PAX9: variants seen among roughly 807,000 people sequenced by gnomAD.
PAX9 encodes paired box protein Pax-9.
PAX9 carries 6 observed loss-of-function variants against 29.1 expected under a neutral mutation model. The ratio of observed to expected loss-of-function variants is 0.21; its 90% CI spans 0.11 to 0.41. The LOEUF (loss-of-function observed/expected upper bound fraction) is 0.41, where lower values mean the gene tolerates loss of function less well. PAX9 is among the 10% of genes least tolerant of loss of function. The pLI is 1.00. For missense variants in PAX9, 443 were observed against 479.1 expected (o/e 0.92, Z 0.70); for synonymous variants, 217 against 211.7 (o/e 1.03, Z -0.22).
intron 1 of PAX9, chr14:36,662,428 G>T (rs1025546773): frequency 7.2e-6 from 3 of 419,278 alleles, no homozygotes; most frequent in Non-Finnish European, 8.4e-6. Context: ...GAAAAGAAAA[G>T]AAAAGAAAAC....
At chr14:36,661,539 C>T (rs1881265341), upstream of PAX9, among the ~76,000 whole-genome samples, 1 of 152,200 alleles carries the variant, frequency 6.6e-6, no homozygotes. Flanking sequence ...GTCCATCGTT[C>T]CCCGGAGGAG....
Position 36,679,099 on chromosome 14 carries a change from C to G in PAX9, c.*2647C>G. 1.0e-6 allele frequency: 1 copy of G among 985,396 alleles called. No individual in the cohort carries two copies. Among genetic ancestry groups the G allele is most frequent in the Non-Finnish European group, 1.2e-6 (1 of 829,916 alleles). 61.0% of individuals were successfully genotyped at this position (985,396 alleles called of 1,614,324 possible). A position where few individuals can be genotyped will look rare whatever the true frequency, so the allele number is the denominator to read the frequency against. ...AAGGTTCAATTTCATGACCTCTATG[C>G]AGGCAGCGCTCTCATTGGATGTAAG... On this transcript the variant is annotated 3_prime_UTR_variant, in exon 4 of 4. Coordinates refer to ENST00000361487, the MANE Select transcript of PAX9 (RefSeq NM_001372076.1).
Position 36,676,177 on chromosome 14 carries a change from CTTCTT to C in PAX9, c.772-16_772-12del. On this transcript the variant is annotated splice_polypyrimidine_tract_variant and intron_variant, in intron 3 of 3. Transcript: ENST00000361487. Reference sequence around the variant, plus strand: ...ACTCCTATAATGTGATTATTTTTCACTTCTTTTCTACTCCTCTCAGGCACCAAATG... The same window carrying C: ...ACTCCTATAATGTGATTATTTTTCACTTCTACTCCTCTCAGGCACCAAATG... The C allele has an allele frequency of 6.2e-7, 1 of 1,613,736 alleles. No individual in the cohort carries two copies. Among genetic ancestry groups the C allele is most frequent in the Non-Finnish European group, 8.5e-7 (1 of 1,179,672 alleles).
chr14:36,679,052 T>G lies in PAX9; in HGVS notation c.*2600T>G. 1.0e-6 allele frequency: 1 copy of G among 985,524 alleles called. No individual in the cohort carries two copies. The highest frequency in any genetic ancestry group is 1.7e-5 in the African/African-American group (1 of 57,382). The allele number at this position is 985,524 out of a possible 1,614,324, so 61.0% of individuals were successfully genotyped here. A position where few individuals can be genotyped will look rare whatever the true frequency, so the allele number is the denominator to read the frequency against. On this transcript the variant is annotated 3_prime_UTR_variant, in exon 4 of 4. Coordinates refer to ENST00000361487, the MANE Select transcript of PAX9 (RefSeq NM_001372076.1). Reference sequence around the variant, plus strand: ...TGCACTCTTCAGAAATCCTTTTCTATCTGATCCACATGGAGAGGTTAAAGG... The same window carrying G: ...TGCACTCTTCAGAAATCCTTTTCTAGCTGATCCACATGGAGAGGTTAAAGG...
At chr14:36,668,249 G>T (rs1019462521) in intron 3 of PAX9, among the ~76,000 whole-genome samples, 4 of 152,174 alleles carry the variant, frequency 2.6e-5, no homozygotes, top group Admixed American at 6.5e-5. Context: ...TAGGCGCTCA[G>T]TGCTTTTTAT....
At chr14:36,660,952 A>G (rs1881235045), upstream of PAX9, among the ~76,000 whole-genome samples, 1 of 152,260 alleles carries the variant, frequency 6.6e-6, no homozygotes, top group South Asian at 2.1e-4. Context: ...GTCGGTGTCC[A>G]CTGTCTTGGG....
chr14:36,674,016 T>C (rs1192854800), intron 3 of PAX9, among the ~76,000 whole-genome samples: 2 of 152,236 alleles, frequency 1.3e-5, no homozygotes, highest in African/African-American at 4.8e-5. Context: ...GATTTATTTC[T>C]TTCCAAACTC....
At position 36,667,098 on chromosome 14, in the gene PAX9, T is replaced by A. The variant is rs375219320; in HGVS notation, c.771+497T>A. 8.0e-4 allele frequency among the ~76,000 whole-genome samples: 121 copies of A among 152,164 alleles called. 1 individual carries two copies. Among genetic ancestry groups the A allele is most frequent in the African/African-American group, 2.8e-3 (116 of 41,512 alleles). Reference sequence around the variant, plus strand: ...GGCTGCGGGGTCCTCACGTTCGGACTTTCTCTCCGGTGGCTCTCGGACAAA... The same window carrying A: ...GGCTGCGGGGTCCTCACGTTCGGACATTCTCTCCGGTGGCTCTCGGACAAA... On this transcript the variant is annotated intron_variant, in intron 3 of 3. Coordinates refer to ENST00000361487, the MANE Select transcript of PAX9 (RefSeq NM_001372076.1).
chr14:36,659,247 TG>T (rs1160061444), upstream of PAX9, among the ~76,000 whole-genome samples: 2 of 152,234 alleles, frequency 1.3e-5, no homozygotes, highest in African/African-American at 4.8e-5. Context: ...CCCTTGTTCT[TG>T]TTCTAGGTCC....
chr14:36,666,235 G>T, intron 2 of PAX9: 1 of 573,652 alleles, frequency 1.7e-6, no homozygotes, highest in South Asian at 2.4e-5. Context: ...TCAGGCGTGG[G>T]TCAGAGAATT....
At position 36,662,967 on chromosome 14, in the gene PAX9, C is replaced by T; in HGVS notation, c.75C>T (p.Ile25=). ...ACGGGAGGCCGCTGCCCAACGCCAT[C>T]CGGCTTCGCATCGTGGAACTGGCCC... ...FVNGRPLPNA[I]RLRIVELAQL... is the part of the protein sequence containing the mutation. The change falls in exon 2 of 4, where the codon ATC becomes ATT. Residue 25 remains isoleucine (I), a synonymous_variant. Transcript: ENST00000361487. 1 of 1,613,540 alleles carries T rather than the reference C, an allele frequency of 6.2e-7. No individual in the cohort carries two copies. Among genetic ancestry groups the T allele is most frequent in the Non-Finnish European group, 8.5e-7 (1 of 1,179,982 alleles).
chr14:36,665,344 A>T lies in PAX9; in HGVS notation c.632-1118A>T, dbSNP rs377025344. On this transcript the variant is annotated intron_variant, in intron 2 of 3. Coordinates refer to ENST00000361487, the MANE Select transcript of PAX9 (RefSeq NM_001372076.1). ...CCAGCTTTAAACAACCCAGTTTGTGACACATTTGTGATTATAAAAATGATC... is the reference window on the plus strand; with the variant it reads ...CCAGCTTTAAACAACCCAGTTTGTGTCACATTTGTGATTATAAAAATGATC... 2.6e-5 allele frequency among the ~76,000 whole-genome samples: 4 copies of T among 152,160 alleles called. No homozygotes were observed. The East Asian group carries it at 7.7e-4, about 29-fold the overall frequency.
chr14:36,663,621 C>A, intron 2 of PAX9, 98 bp downstream of exon 2: 1 of 1,479,604 alleles, frequency 6.8e-7, no homozygotes, highest in Non-Finnish European at 9.3e-7. Context: ...CTGTCTTTCC[C>A]ACCACCTGAG....
Position 36,678,482 on chromosome 14 carries a change from A to G in PAX9, c.*2030A>G. 6.5e-7 allele frequency: 1 copy of G among 1,536,772 alleles called. No homozygotes were observed. The highest frequency in any genetic ancestry group is 8.7e-7 in the Non-Finnish European group (1 of 1,146,520). ...ACTTCCATTGACATCTGGAGTTCCCAGTCTGGTGAGAAAATAGACTATAAA... is the reference window on the plus strand; with the variant it reads ...ACTTCCATTGACATCTGGAGTTCCCGGTCTGGTGAGAAAATAGACTATAAA... On this transcript the variant is annotated 3_prime_UTR_variant, in exon 4 of 4. Coordinates refer to ENST00000361487, the MANE Select transcript of PAX9 (RefSeq NM_001372076.1).
At chr14:36,662,515 G>A (rs920523069) in intron 1 of PAX9, 7 of 392,794 alleles carry the variant, frequency 1.8e-5, no homozygotes, top group Non-Finnish European at 3.2e-5. Context: ...AGGAACGCTG[G>A]GGATGGGATG....
intron 2 of PAX9, among the ~76,000 whole-genome samples, chr14:36,664,591 G>T (rs899912374): frequency 5.8e-5 from 8 of 138,352 alleles, no homozygotes; most frequent in African/African-American, 8.4e-5. Context: ...TTTTTAAGGC[G>T]TTAACTTTTT....
At chr14:36,658,373 T>TCG (rs1881114689), upstream of PAX9, among the ~76,000 whole-genome samples, 1 of 128,758 alleles carries the variant, frequency 7.8e-6, no homozygotes, top group Non-Finnish European at 1.7e-5. Flanking sequence ...GGGCCTCGCT[T>TCG]GGGGGGGGGG....
chr14:36,663,528 G>T lies in PAX9; in HGVS notation c.631+5G>T, dbSNP rs1474239959. The T allele has an allele frequency of 1.2e-6, 2 of 1,612,560 alleles. No individual in the cohort carries two copies. Among genetic ancestry groups the T allele is most frequent in the Non-Finnish European group, 1.7e-6 (2 of 1,179,914 alleles). On this transcript the variant is annotated splice_donor_5th_base_variant and intron_variant, in intron 2 of 3. Coordinates refer to ENST00000361487, the MANE Select transcript of PAX9 (RefSeq NM_001372076.1). ...TCCGCTCCATCACCGACCAAGGTAG[G>T]GGCTCAGAGGCTGGGCGTGTGGATG... is the stretch of plus-strand genomic sequence containing the variant.
intron 2 of PAX9, chr14:36,666,168 G>A (rs1382849971): frequency 1.6e-5 from 7 of 430,850 alleles, no homozygotes; most frequent in Non-Finnish European, 2.9e-5. Context: ...TGCCCTGGGA[G>A]AGCAAAGGGG....
Sources: allele counts gnomAD v4.1 joint callset (sites outside exome capture counted in the v4.1 genomes callset), GRCh38; gene constraint gnomAD v4.1.1; transcripts MANE v1.5; gene names NCBI Gene and HGNC (gene_info 2026-07-23, HGNC 2026-07-21).